The following ZNF776 variants were observed in gnomAD, a reference collection of about 807,000 sequenced individuals.
The protein encoded by ZNF776 is zinc finger protein 776.
Under a neutral mutation model 7.0 loss-of-function variants are expected in ZNF776, and 4 were observed. The ratio of observed to expected loss-of-function variants is 0.57; its 90% confidence interval spans 0.28 to 1.31. The LOEUF (loss-of-function observed/expected upper bound fraction) is 1.31. Among genes scored for constraint, ZNF776 ranks in the 50% most tolerant of loss-of-function variants. The pLI is 0.10. For missense variants in ZNF776, 555 were observed against 625.9 expected, an observed-to-expected ratio of 0.89 and a Z score of 1.21; for synonymous variants, 212 against 213.7, an observed-to-expected ratio of 0.99 and a Z score of 0.07.
intron 2 of ZNF776, among the ~76,000 whole-genome samples, chr19:57,752,905 A>G (rs1248114616): frequency 2.6e-5 from 4 of 152,250 alleles, no homozygotes; most frequent in Non-Finnish European, 2.9e-5. Context: ...AAACAAGTGT[A>G]TCTTTGTTGT....
chr19:57,752,378 G>A (rs531591757), intron 2 of ZNF776, among the ~76,000 whole-genome samples: 3 of 152,208 alleles, frequency 2.0e-5, no homozygotes, highest in African/African-American at 7.2e-5. Context: ...ACTGTTGGTT[G>A]GCTATTCTTC....
chr19:57,753,138 A>G lies in ZNF776; in HGVS notation c.161-153A>G. ...AATTCCTTCCTGTGCAAACATCTAA[A>G]GGACCTTCATAAAGCATGTGGGTGC... On this transcript the variant is annotated intron_variant, in intron 2 of 2. Coordinates refer to ENST00000317178, the MANE Select transcript of ZNF776 (RefSeq NM_173632.4). The G allele has an allele frequency of 1.3e-5, 9 of 688,520 alleles. No individual in the cohort carries two copies. The South Asian group carries it at 1.9e-4, about 14-fold the overall frequency. 42.7% of individuals were successfully genotyped at this position (688,520 alleles called of 1,614,324 possible).
rs1474412943 is a variant in ZNF776 at position 57,754,934 on chromosome 19, T to C, written c.*247T>C. The C allele has an allele frequency of 8.7e-5, 44 of 508,654 alleles. 1 individual carries two copies. Among genetic ancestry groups the C allele is most frequent in the East Asian group, 1.3e-4 (4 of 29,648 alleles). The allele number at this position is 508,654 out of a possible 1,614,324, so 31.5% of individuals were successfully genotyped here. A position where few individuals can be genotyped will look rare whatever the true frequency, so the allele number is the denominator to read the frequency against. ...ACACTGGAGAAAGACCCTATAGTTATGGGGAATTTGGGAAATTACCTAACA... is the reference window on the plus strand; with the variant it reads ...ACACTGGAGAAAGACCCTATAGTTACGGGGAATTTGGGAAATTACCTAACA... On this transcript the variant is annotated 3_prime_UTR_variant, in exon 3 of 3. Coordinates refer to ENST00000317178, the MANE Select transcript of ZNF776 (RefSeq NM_173632.4).
rs1447941570 is a variant in ZNF776 at position 57,747,099 on chromosome 19, T to C, written c.33+8T>C. 6.3e-7 allele frequency: 1 copy of C among 1,587,830 alleles called. No homozygotes were observed. The highest frequency in any genetic ancestry group is 1.8e-5 in the Admixed American group (1 of 56,794). ...CTGAGGCCCCCGGCTCAGGTAATTG[T>C]GGCGTCTTCCGTGCCCTCAGGTCAC... On this transcript the variant is annotated splice_region_variant and intron_variant, in intron 1 of 2. Coordinates refer to ENST00000317178, the MANE Select transcript of ZNF776 (RefSeq NM_173632.4).
Position 57,754,698 on chromosome 19 carries a change from G to C in ZNF776, c.*11G>C, listed in dbSNP as rs1600069794. On this transcript the variant is annotated 3_prime_UTR_variant, in exon 3 of 3. Transcript: ENST00000317178. ...CATCATGAATGTTGAAAATTTGGCA[G>C]ATCTGTTGGTAAAAAGAGCACCCTC... The C allele has an allele frequency of 3.7e-6, 6 of 1,602,484 alleles. No individual in the cohort carries two copies. The highest frequency in any genetic ancestry group is 1.7e-5 in the Admixed American group (1 of 59,400).
Position 57,754,667 on chromosome 19 carries a change from G to C in ZNF776, c.1537G>C (p.Glu513Gln). 1.2e-6 allele frequency: 2 copies of C among 1,610,498 alleles called. No individual in the cohort carries two copies. Among genetic ancestry groups the C allele is most frequent in the Non-Finnish European group, 1.7e-6 (2 of 1,176,946 alleles). Residue 513 changes from glutamate to glutamine, a missense_variant, in exon 3 of 3, where the codon GAA (glutamate) becomes CAA (glutamine). Transcript: ENST00000317178. ...TAAACATCAACGAGTTCACACGGGA[G>C]AAAGACATCATGAATGTTGAAAATT... Reference protein sequence around the residue: ...LIKHQRVHTGERHHEC With the variant: ...LIKHQRVHTGQRHHEC
Position 57,753,846 on chromosome 19 carries a change from G to A in ZNF776, c.716G>A (p.Ser239Asn), listed in dbSNP as rs1178219540. Reference sequence around the variant, plus strand: ...CCTAGAGAAGGACCTTATGTATGCAGTGATTCTGGGAAATTCACTAGCAAA... The same window carrying A: ...CCTAGAGAAGGACCTTATGTATGCAATGATTCTGGGAAATTCACTAGCAAA... ...LLPREGPYVC[S>N]DSGKFTSKSN... The change falls in exon 3 of 3, where the codon AGT (serine) becomes AAT (asparagine). Residue 239 changes from serine to asparagine, a missense_variant. Coordinates refer to ENST00000317178, the MANE Select transcript of ZNF776 (RefSeq NM_173632.4). 6.2e-7 allele frequency: 1 copy of A among 1,614,214 alleles called. No homozygotes were observed.
In ZNF776 at chr19:57,754,709, A is replaced by G. The variant is rs529473139; in HGVS notation, c.*22A>G. 238 of 1,597,994 alleles carry G rather than the reference A, an allele frequency of 1.5e-4. No homozygotes were observed. The South Asian group carries it at 2.5e-3, about 17-fold the overall frequency. Reference sequence around the variant, plus strand: ...TTGAAAATTTGGCAGATCTGTTGGTAAAAAGAGCACCCTCATTCAACATTC... The same window carrying G: ...TTGAAAATTTGGCAGATCTGTTGGTGAAAAGAGCACCCTCATTCAACATTC... On this transcript the variant is annotated 3_prime_UTR_variant, in exon 3 of 3. Coordinates refer to ENST00000317178, the MANE Select transcript of ZNF776 (RefSeq NM_173632.4).
In ZNF776 at chr19:57,754,843, C is replaced by A; in HGVS notation, c.*156C>A. On this transcript the variant is annotated 3_prime_UTR_variant, in exon 3 of 3. Transcript: ENST00000317178. ...CAAGATCACACTGGGGAAAGGCTTTCTGAGTGTAGAGAATGTATGAAATCC... is the reference window on the plus strand; with the variant it reads ...CAAGATCACACTGGGGAAAGGCTTTATGAGTGTAGAGAATGTATGAAATCC... The A allele has an allele frequency of 1.4e-6, 1 of 711,792 alleles. No individual in the cohort carries two copies. The allele number at this position is 711,792 out of a possible 1,614,324, so 44.1% of individuals were successfully genotyped here. A position where few individuals can be genotyped will look rare whatever the true frequency, so the allele number is the denominator to read the frequency against.
chr19:57,754,759 A>T lies in ZNF776; in HGVS notation c.*72A>T, dbSNP rs1403974243. The T allele has an allele frequency of 6.7e-7, 1 of 1,486,526 alleles. No individual in the cohort carries two copies. The highest frequency in any genetic ancestry group is 1.4e-5 in the African/African-American group (1 of 71,694). 92.1% of individuals were successfully genotyped at this position (1,486,526 alleles called of 1,614,324 possible). On this transcript the variant is annotated 3_prime_UTR_variant, in exon 3 of 3. Transcript: ENST00000317178. ...CGTGAGATCACACTGGAAAGCACTT[A>T]TGAGTATGGAGAATGTGCAAAATCA...
At position 57,756,640 on chromosome 19, in the gene ZNF776, A is replaced by G. The variant is rs765565683; in HGVS notation, c.*1953A>G. 8.8e-5 allele frequency: 16 copies of G among 182,058 alleles called. No homozygotes were observed. In the South Asian group the frequency reaches 1.4e-3, roughly 16 times the overall value. 11.3% of individuals were successfully genotyped at this position (182,058 alleles called of 1,614,324 possible). A position where few individuals can be genotyped will look rare whatever the true frequency, so the allele number is the denominator to read the frequency against. On this transcript the variant is annotated 3_prime_UTR_variant, in exon 3 of 3. Coordinates refer to ENST00000317178, the MANE Select transcript of ZNF776 (RefSeq NM_173632.4). ...GCAATAATATGTGTTTTCATAAATC[A>G]ACCTGAGTAGGGGACAGTTTTAGTG... is the stretch of plus-strand genomic sequence containing the variant.
Position 57,746,950 on chromosome 19 carries a change from T to A in ZNF776, c.-109T>A. 9 of 1,205,806 alleles carry A rather than the reference T, an allele frequency of 7.5e-6. No individual in the cohort carries two copies. The highest frequency in any genetic ancestry group is 1.0e-5 in the Non-Finnish European group (9 of 870,460). 74.7% of individuals were successfully genotyped at this position (1,205,806 alleles called of 1,614,324 possible). On this transcript the variant is annotated 5_prime_UTR_variant, in exon 1 of 3. Transcript: ENST00000317178. ...TGCACAGAGGCTGCTCTGCAGCTCCTTAAAGGCGCTAGGCGTGACCCGCAC... is the reference window on the plus strand; with the variant it reads ...TGCACAGAGGCTGCTCTGCAGCTCCATAAAGGCGCTAGGCGTGACCCGCAC...
chr19:57,747,365 C>T (rs1467654612), intron 1 of ZNF776, among the ~76,000 whole-genome samples: 2 of 152,144 alleles, frequency 1.3e-5, no homozygotes, highest in African/African-American at 4.8e-5. Flanking sequence ...AAGTGTGAGG[C>T]AGAGCTCCTC....
At chr19:57,750,947 A>G (rs368451355) in intron 2 of ZNF776, 36 bp downstream of exon 2, 17 of 1,577,988 alleles carry the variant, frequency 1.1e-5, no homozygotes, top group African/African-American at 8.2e-5. Flanking sequence ...GACCTCAGCT[A>G]TTGTCTGTCT....
At position 57,747,067 on chromosome 19, in the gene ZNF776, G is replaced by A. The variant is rs1284958687; in HGVS notation, c.9G>A (p.Ala3=). MA[A]AALRPPAQGT... ...TTTCCCCACCCAGTCGGATGGCGGC[G>A]GCCGCGCTGAGGCCCCCGGCTCAGG... Residue 3 remains alanine (A), a synonymous_variant, in exon 1 of 3, where the codon GCG becomes GCA. Transcript: ENST00000317178. 1 of 1,588,866 alleles carries A rather than the reference G, an allele frequency of 6.3e-7. No individual in the cohort carries two copies. The highest frequency in any genetic ancestry group is 1.3e-5 in the African/African-American group (1 of 74,302).
At position 57,756,331 on chromosome 19, in the gene ZNF776, A is replaced by G. The variant is rs1986776523; in HGVS notation, c.*1644A>G. 6.6e-6 allele frequency: 1 copy of G among 152,142 alleles called. No homozygotes were observed. The allele number at this position is 152,142 out of a possible 1,614,324, so 9.4% of individuals were successfully genotyped here. ...TCTCATTGTTCTGGTTTCTGCTATG[A>G]TGAAGTCCTTATTTAAGCTTCCTTC... On this transcript the variant is annotated 3_prime_UTR_variant, in exon 3 of 3. Transcript: ENST00000317178.
chr19:57,748,628 G>A (rs1177787981), intron 1 of ZNF776, among the ~76,000 whole-genome samples: 2 of 152,168 alleles, frequency 1.3e-5, no homozygotes, highest in South Asian at 2.1e-4. Context: ...TGCATCTGTT[G>A]CTTGGGTCCC....
At chr19:57,750,015 GGT>G (rs1474124849) in intron 1 of ZNF776, among the ~76,000 whole-genome samples, 2 of 152,146 alleles carry the variant, frequency 1.3e-5, no homozygotes, top group Admixed American at 6.5e-5. Flanking sequence ...CACCCTTACT[GGT>G]AGAAGGAAGA....
chr19:57,756,816 C>T lies in ZNF776; in HGVS notation c.*2129C>T. On this transcript the variant is annotated 3_prime_UTR_variant, in exon 3 of 3. Coordinates refer to ENST00000317178, the MANE Select transcript of ZNF776 (RefSeq NM_173632.4). Reference sequence around the variant, plus strand: ...AGTCCAGAATTCTGTAGGATAGTGTCCTACGTTATAAGCCTGGAGAAAGAA... The same window carrying T: ...AGTCCAGAATTCTGTAGGATAGTGTTCTACGTTATAAGCCTGGAGAAAGAA... The T allele has an allele frequency of 2.2e-6, 1 of 449,106 alleles. No homozygotes were observed. Among genetic ancestry groups the T allele is most frequent in the South Asian group, 1.6e-5 (1 of 63,128 alleles). The allele number at this position is 449,106 out of a possible 1,614,324, so 27.8% of individuals were successfully genotyped here.
Sources: gnomAD v4.1 joint callset for allele counts (sites outside exome capture counted in the v4.1 genomes callset) on GRCh38, gnomAD v4.1.1 for gene constraint, MANE v1.5 for transcripts, NCBI Gene and HGNC (gene_info 2026-07-23, HGNC 2026-07-21) for gene names.